PSMC6: variants seen among roughly 807,000 people sequenced by gnomAD.
PSMC6 encodes the protein 26S proteasome regulatory subunit 10B.
Under a neutral mutation model 55.9 loss-of-function variants are expected in PSMC6, and 3 were observed. The ratio of observed to expected loss-of-function variants is 0.05; its 90% CI spans 0.02 to 0.14. The LOEUF is 0.14. Among genes scored for constraint, PSMC6 ranks in the 10% least tolerant of loss-of-function variants. The probability of loss-of-function intolerance (pLI) is 1.00; values close to 1 mark genes in which losing one functional copy is unlikely to be tolerated. For synonymous variants in PSMC6, 137 were observed against 155.9 expected (o/e 0.88, Z 0.90); for missense variants, 210 against 478.7 (o/e 0.44, Z 5.24).
intron 10 of PSMC6, among the ~76,000 whole-genome samples, chr14:52,720,318 T>G (rs368185002): frequency 1.7e-5 from 2 of 115,746 alleles, no homozygotes; most frequent in African/African-American, 6.9e-5. Flanking sequence ...CAGTGAGCGA[T>G]GATCAGGCCA....
chr14:52,717,828 C>T (rs926740002), intron 7 of PSMC6, among the ~76,000 whole-genome samples: 8 of 151,744 alleles, frequency 5.3e-5, no homozygotes, highest in Non-Finnish European at 7.4e-5. Context: ...GACCAGCCTG[C>T]GCAACACAGA....
At chr14:52,714,365 G>A (rs2041807152) in intron 7 of PSMC6, among the ~76,000 whole-genome samples, 1 of 152,182 alleles carries the variant, frequency 6.6e-6, no homozygotes, top group African/African-American at 2.4e-5. Context: ...GATGTGGGCA[G>A]TTCCAACTTC....
intron 4 of PSMC6, chr14:52,709,552 A>G (rs771657128): frequency 8.9e-6 from 4 of 450,102 alleles, no homozygotes; most frequent in South Asian, 6.3e-5. Context: ...TAAACTGACA[A>G]GGGATTTTCA....
chr14:52,718,052 C>CAA, intron 7 of PSMC6, 29 bp from the exon 8 acceptor site: 1 of 1,606,922 alleles, frequency 6.2e-7, no homozygotes, highest in Non-Finnish European at 8.5e-7. Context: ...ACCTTACCAT[C>CAA]TAATTAAGAC....
intron 13 of PSMC6, 52 bp downstream of exon 13, chr14:52,724,088 T>C (rs529233797): frequency 1.3e-6 from 2 of 1,534,174 alleles, no homozygotes; most frequent in South Asian, 1.1e-5. Flanking sequence ...TAAAATTTGC[T>C]GAAACTGTTT....
intron 1 of PSMC6, 80 bp downstream of exon 1, chr14:52,707,384 C>A: frequency 6.4e-7 from 1 of 1,571,222 alleles, no homozygotes; most frequent in South Asian, 1.2e-5. Context: ...TTTCGCCGAG[C>A]CCGGCAACCG....
intron 4 of PSMC6, 41 bp downstream of exon 4, chr14:52,708,857 G>A: frequency 6.2e-7 from 1 of 1,604,142 alleles, no homozygotes; most frequent in Non-Finnish European, 8.5e-7. Context: ...GATTGACAAA[G>A]CAGTTTCATG....
intron 12 of PSMC6, chr14:52,723,390 G>A (rs557535042): frequency 8.5e-5 from 13 of 152,820 alleles, no homozygotes; most frequent in African/African-American, 3.1e-4. Flanking sequence ...GTGGGTGGAT[G>A]GAGAACTCAC....
At position 52,708,453 on chromosome 14, in the gene PSMC6, A is replaced by G. The variant is rs921034715; in HGVS notation, c.166-30A>G. On this transcript the variant is annotated intron_variant, in intron 2 of 13. Transcript: ENST00000445930. The stretch of plus-strand genomic sequence containing the variant: ...TTGCTTTTTTATTTAGCTGTTGCCA[A>G]AAAGTAATGCTTTTTATTTTCTTCC... 3.1e-6 allele frequency: 5 copies of G among 1,613,892 alleles called. No individual in the cohort carries two copies. The African/African-American group carries it at 4.0e-5, about 13-fold the overall frequency.
At chr14:52,713,068 T>C (rs1204088480) in intron 6 of PSMC6, among the ~76,000 whole-genome samples, 1 of 152,064 alleles carries the variant, frequency 6.6e-6, no homozygotes, top group African/African-American at 2.4e-5. Context: ...CCATCTCTTC[T>C]AAAAGTACAA....
intron 8 of PSMC6, 33 bp downstream of exon 8, chr14:52,718,175 T>A (rs1335331574): frequency 6.2e-7 from 1 of 1,611,086 alleles, no homozygotes; most frequent in Non-Finnish European, 8.5e-7. Flanking sequence ...CTTATTGAAA[T>A]TTAATTTTAC....
intron 13 of PSMC6, 41 bp from the exon 14 acceptor site, chr14:52,727,458 A>G (rs1345262918): frequency 1.6e-6 from 2 of 1,225,780 alleles, no homozygotes; most frequent in Non-Finnish European, 2.4e-6. Context: ...CATATAATTC[A>G]TATGTGATAT....
At chr14:52,724,289 G>A (rs771532720) in intron 13 of PSMC6, among the ~76,000 whole-genome samples, 1 of 152,182 alleles carries the variant, frequency 6.6e-6, no homozygotes, top group Non-Finnish European at 1.5e-5. Flanking sequence ...CATACAGAAT[G>A]CCTTCCAGGA....
intron 10 of PSMC6, among the ~76,000 whole-genome samples, chr14:52,720,473 T>C (rs995846051): frequency 2.7e-5 from 4 of 150,592 alleles, no homozygotes; most frequent in Non-Finnish European, 5.9e-5. Context: ...GTCTGACATA[T>C]CATAAGCACT....
intron 10 of PSMC6, among the ~76,000 whole-genome samples, chr14:52,720,561 CAT>C (rs1431536737): frequency 1.3e-5 from 2 of 151,878 alleles, no homozygotes; most frequent in Non-Finnish European, 2.9e-5. Context: ...ATTAGATCCA[CAT>C]AGTTTAATTT....
At chr14:52,708,976 A>T in intron 4 of PSMC6, 160 bp downstream of exon 4, 2 of 1,043,456 alleles carry the variant, frequency 1.9e-6, no homozygotes, top group Admixed American at 3.4e-5. Context: ...CCTGAATTCA[A>T]ACCATGGGCT....
At chr14:52,725,616 A>T (rs142500693) in intron 13 of PSMC6, among the ~76,000 whole-genome samples, 1 of 152,282 alleles carries the variant, frequency 6.6e-6, no homozygotes, top group African/African-American at 2.4e-5. Flanking sequence ...TGTAGCCCAG[A>T]CCTGATCATT....
chr14:52,721,224 TTTG>T, intron 12 of PSMC6, 34 bp downstream of exon 12: 1 of 1,442,564 alleles, frequency 6.9e-7, no homozygotes, highest in Non-Finnish European at 9.4e-7. Context: ...TGTATTTACA[TTTG>T]GTAAATGAAG....
intron 12 of PSMC6, chr14:52,723,383 G>A (rs1242713999): frequency 6.6e-6 from 1 of 152,654 alleles, no homozygotes; most frequent in East Asian, 1.9e-4. Flanking sequence ...CTGTTATGTG[G>A]GTGGATGGAG....
Sources: allele counts gnomAD v4.1 joint callset (sites outside exome capture counted in the v4.1 genomes callset), GRCh38; gene constraint gnomAD v4.1.1; transcripts MANE v1.5; gene names NCBI Gene and HGNC (gene_info 2026-07-23, HGNC 2026-07-21).